The following GTPBP4 variants were observed in gnomAD, a reference collection of about 807,000 sequenced individuals.
GTPBP4 encodes GTP-binding protein 4.
GTPBP4 carries 15 observed loss-of-function variants against 81.7 expected under a neutral mutation model. The ratio of observed to expected loss-of-function variants is 0.18; its 90% CI spans 0.12 to 0.28. The LOEUF is 0.28. Ranked by LOEUF, GTPBP4 falls within the 10% of genes least tolerant of loss-of-function variation. The pLI, the probability that GTPBP4 is intolerant of heterozygous loss-of-function variation, is 1.00. For missense variants in GTPBP4, 847 were observed against 793.8 expected, an observed-to-expected ratio of 1.07 and a Z score of -0.81; for synonymous variants, 272 against 274.6, an observed-to-expected ratio of 0.99 and a Z score of 0.09.
chr10:1,012,160 T>C (rs1379893175), intron 13 of GTPBP4, among the ~76,000 whole-genome samples: 2 of 152,140 alleles, frequency 1.3e-5, no homozygotes, highest in Admixed American at 6.5e-5. Flanking sequence ...GCCGGGAGCA[T>C]TGGAAGTGAA....
At chr10:988,595 G>T in intron 1 of GTPBP4, 68 bp downstream of exon 1, 2 of 1,251,408 alleles carry the variant, frequency 1.6e-6, no homozygotes, top group Non-Finnish European at 2.3e-6. Context: ...GGGAGGGTCC[G>T]GGCCTGTAGC....
At chr10:1,003,012 C>G (rs1451454807) in intron 8 of GTPBP4, among the ~76,000 whole-genome samples, 1 of 152,202 alleles carries the variant, frequency 6.6e-6, no homozygotes, top group Non-Finnish European at 1.5e-5. Flanking sequence ...AAGCCTTTTC[C>G]CTTCTCTTCT....
chr10:1,007,964 A>G (rs763802777), intron 10 of GTPBP4: 15 of 518,010 alleles, frequency 2.9e-5, no homozygotes, highest in East Asian at 1.1e-4. Flanking sequence ...TGTCAGATAC[A>G]TTGCAAATTT....
chr10:1,009,160 G>A (rs994070185), intron 11 of GTPBP4, 125 bp downstream of exon 11: 17 of 676,630 alleles, frequency 2.5e-5, no homozygotes, highest in East Asian at 5.4e-5. Flanking sequence ...GTCAGGCTGC[G>A]GACACAGCAG....
At position 999,007 on chromosome 10, in the gene GTPBP4, C is replaced by T. The variant is rs779828418; in HGVS notation, c.566C>T (p.Thr189Met). The part of the protein sequence containing the change: ...VGKSSFINKV[T>M]RADVDVQPYA... The stretch of plus-strand genomic sequence containing the variant: ...GAAAGTTCTCACTTGTTCCAGGTGA[C>T]GAGAGCAGACGTGGATGTCCAGCCC... Residue 189 changes from threonine to methionine, a missense_variant, in exon 6 of 17, where the codon ACG (threonine) becomes ATG (methionine). Thr to Met is a moderately conservative substitution (Grantham distance 81). Transcript: ENST00000360803. 5 of 1,581,782 alleles carry T rather than the reference C, an allele frequency of 3.2e-6. No homozygotes were observed. The highest frequency in any genetic ancestry group is 4.3e-6 in the Non-Finnish European group (5 of 1,150,424).
chr10:994,071 T>G (rs1179713527), intron 2 of GTPBP4, among the ~76,000 whole-genome samples: 1 of 152,122 alleles, frequency 6.6e-6, no homozygotes, highest in African/African-American at 2.4e-5. Flanking sequence ...TAATGGCTTA[T>G]TTTTAAAATA....
At chr10:998,180 G>A (rs934656500) in intron 5 of GTPBP4, among the ~76,000 whole-genome samples, 1 of 152,010 alleles carries the variant, frequency 6.6e-6, no homozygotes, top group African/African-American at 2.4e-5. Flanking sequence ...GCTCGCTGCA[G>A]CCTCAACCTT....
intron 1 of GTPBP4, among the ~76,000 whole-genome samples, chr10:990,881 G>A (rs1831429801): frequency 4.6e-5 from 7 of 151,620 alleles, no homozygotes; most frequent in Admixed American, 3.3e-4. Flanking sequence ...ACCTTATGAA[G>A]TAGGTAACCT....
At chr10:1,002,398 A>G (rs1831651846) in intron 8 of GTPBP4, among the ~76,000 whole-genome samples, 2 of 152,336 alleles carry the variant, frequency 1.3e-5, no homozygotes, top group African/African-American at 4.8e-5. Flanking sequence ...TGATAGAAGT[A>G]TAGCTATTCC....
At chr10:1,006,185 C>A (rs1465049350) in intron 9 of GTPBP4, among the ~76,000 whole-genome samples, 1 of 152,214 alleles carries the variant, frequency 6.6e-6, no homozygotes, top group African/African-American at 2.4e-5. Context: ...TTTAATATTT[C>A]GGTAGCAAGT....
In GTPBP4 at chr10:1,017,323, G is replaced by C; in HGVS notation, c.*96G>C. 1 of 1,130,828 alleles carries C rather than the reference G, an allele frequency of 8.8e-7. No individual in the cohort carries two copies. The highest frequency in any genetic ancestry group is 1.3e-6 in the Non-Finnish European group (1 of 782,930). 70.0% of individuals were successfully genotyped at this position (1,130,828 alleles called of 1,614,324 possible). On this transcript the variant is annotated 3_prime_UTR_variant, in exon 17 of 17. Transcript: ENST00000360803. ...ATGAAATTGGAGCTCTGTATAAACT[G>C]AAAAAGACAAAATAAGTAAAGCACT...
intron 5 of GTPBP4, among the ~76,000 whole-genome samples, chr10:998,402 A>C (rs1831569663): frequency 6.6e-6 from 1 of 152,108 alleles, no homozygotes; most frequent in Non-Finnish European, 1.5e-5. Context: ...ACCCTACCTT[A>C]AGATCACTTT....
intron 14 of GTPBP4, among the ~76,000 whole-genome samples, chr10:1,013,583 C>A (rs945192829): frequency 6.6e-6 from 1 of 151,974 alleles, no homozygotes; most frequent in African/African-American, 2.4e-5. Context: ...GCACTCCAGC[C>A]TGGGCAACAG....
Position 1,018,743 on chromosome 10 carries a change from G to A in GTPBP4, c.*1516G>A, listed in dbSNP as rs1205006856. 6.7e-6 allele frequency: 1 copy of A among 150,258 alleles called. No individual in the cohort carries two copies. Among genetic ancestry groups the A allele is most frequent in the Non-Finnish European group, 1.5e-5 (1 of 67,858 alleles). The allele number at this position is 150,258 out of a possible 1,614,324, so 9.3% of individuals were successfully genotyped here. ...GAATGGCTTGAACCCGGGAGGCGGA[G>A]CTTGCAGTGAGCCAAGATCGCACCA... On this transcript the variant is annotated 3_prime_UTR_variant, in exon 17 of 17. Transcript: ENST00000360803.
intron 8 of GTPBP4, among the ~76,000 whole-genome samples, chr10:1,003,293 A>G (rs1408533008): frequency 6.6e-6 from 1 of 152,068 alleles, no homozygotes; most frequent in Non-Finnish European, 1.5e-5. Context: ...CATATCATGA[A>G]ATTGTTTTCT....
At chr10:1,002,477 C>G (rs1440534305) in intron 8 of GTPBP4, among the ~76,000 whole-genome samples, 2 of 152,130 alleles carry the variant, frequency 1.3e-5, no homozygotes, top group African/African-American at 4.8e-5. Context: ...CTATGTGTGT[C>G]TTAATGTCTT....
chr10:988,964 G>A (rs1345717473), intron 1 of GTPBP4: 1 of 171,136 alleles, frequency 5.8e-6, no homozygotes, highest in Non-Finnish European at 1.2e-5. Flanking sequence ...TTGTTCTCGT[G>A]ATTTAACGTT....
chr10:1,001,322 G>A (rs1015850769), intron 8 of GTPBP4, among the ~76,000 whole-genome samples: 1 of 152,220 alleles, frequency 6.6e-6, no homozygotes, highest in Non-Finnish European at 1.5e-5. Context: ...GCTCACAGGT[G>A]TTACTTCATA....
intron 8 of GTPBP4, among the ~76,000 whole-genome samples, chr10:1,002,849 A>G (rs1302647129): frequency 2.6e-5 from 4 of 152,002 alleles, no homozygotes; most frequent in African/African-American, 7.2e-5. Context: ...AATTTCCTTT[A>G]TATTTGACTT....
Sources: allele counts gnomAD v4.1 joint callset (sites outside exome capture counted in the v4.1 genomes callset), GRCh38; gene constraint gnomAD v4.1.1; transcripts MANE v1.5; gene names NCBI Gene and HGNC (gene_info 2026-07-23, HGNC 2026-07-21).